Variants in TG observed in about 807,000 individuals in gnomAD.
The protein encoded by TG is thyroid hormones.
TG carries 270 observed loss-of-function variants against 324.7 expected under a neutral mutation model. The ratio of observed to expected loss-of-function variants is 0.83; its 90% CI spans 0.75 to 0.92. TG has a LOEUF of 0.92. TG is among the 40% of genes least tolerant of loss of function. The pLI is 0.00. For synonymous variants in TG, 1,401 were observed against 1,327.0 expected, an observed-to-expected ratio of 1.06 and a Z score of -1.21; for missense variants, 3,591 against 3,456.4, an observed-to-expected ratio of 1.04 and a Z score of -0.98.
At chr8:132,923,588 G>A (rs560651189) in intron 22 of TG, 80 bp downstream of exon 22, 405 of 1,483,068 alleles carry the variant, frequency 2.7e-4, no homozygotes, top group Admixed American at 4.1e-4. Context: ...AGGGAGAGAA[G>A]CTGGAGGTGC....
chr8:132,977,763 C>T (rs193031927), intron 34 of TG, among the ~76,000 whole-genome samples: 4 of 152,252 alleles, frequency 2.6e-5, no homozygotes, highest in Admixed American at 2.0e-4. Flanking sequence ...CCTCCCACAA[C>T]ACATGGGAAT....
intron 31 of TG, among the ~76,000 whole-genome samples, chr8:132,968,500 T>C (rs1042358087): frequency 2.7e-5 from 4 of 147,494 alleles, no homozygotes; most frequent in Admixed American, 6.7e-5. Context: ...TTTTTGGAGA[T>C]TTTTTTTAAC....
chr8:133,083,270 C>T (rs561295953), intron 41 of TG, among the ~76,000 whole-genome samples: 1 of 151,994 alleles, frequency 6.6e-6, no homozygotes, highest in Admixed American at 6.5e-5. Context: ...TTTTTTGAAC[C>T]TGTTACTTAA....
At chr8:133,058,954 T>C in intron 41 of TG, 1 of 479,850 alleles carries the variant, frequency 2.1e-6, no homozygotes, top group Admixed American at 2.2e-5. Context: ...CATGCTGGCT[T>C]GGGGGCATTG....
intron 30 of TG, 112 bp downstream of exon 30, chr8:132,966,809 C>T: frequency 7.8e-7 from 1 of 1,279,404 alleles, no homozygotes. Context: ...TGTCATAACT[C>T]ATGGATCACT....
At chr8:133,005,091 A>G (rs1245548238) in intron 35 of TG, among the ~76,000 whole-genome samples, 4 of 152,214 alleles carry the variant, frequency 2.6e-5, no homozygotes, top group African/African-American at 9.7e-5. Context: ...GGGGACAGTA[A>G]TGGCTTCATT....
At chr8:132,972,282 A>C (rs183187585) in intron 33 of TG, 1 of 482,038 alleles carries the variant, frequency 2.1e-6, no homozygotes, top group Non-Finnish European at 3.8e-6. Context: ...TCATCTGTAT[A>C]TAGGGCTACC....
chr8:133,029,769 A>G, intron 40 of TG, 52 bp from the exon 41 acceptor site: 1 of 1,611,740 alleles, frequency 6.2e-7, no homozygotes, highest in Non-Finnish European at 8.5e-7. Flanking sequence ...ATGATTTTCA[A>G]ATCCAAGGTT....
intron 20 of TG, 146 bp downstream of exon 20, chr8:132,913,411 A>C: frequency 1.2e-6 from 1 of 810,876 alleles, no homozygotes; most frequent in Non-Finnish European, 2.1e-6. Context: ...TCAATCATCT[A>C]CTATGCATGG....
intron 27 of TG, among the ~76,000 whole-genome samples, chr8:132,960,103 T>C (rs1275324471): frequency 6.6e-6 from 1 of 152,204 alleles, no homozygotes; most frequent in Non-Finnish European, 1.5e-5. Flanking sequence ...AAAACCTGGA[T>C]GACAGGTTGG....
chr8:132,891,409 A>G (rs1050061685), intron 10 of TG, among the ~76,000 whole-genome samples: 1 of 152,184 alleles, frequency 6.6e-6, no homozygotes, highest in Non-Finnish European at 1.5e-5. Context: ...ATCTCAGTTC[A>G]CTGCAGCCTC....
intron 45 of TG, among the ~76,000 whole-genome samples, chr8:133,130,041 A>G (rs531444204): frequency 6.6e-6 from 1 of 152,340 alleles, no homozygotes; most frequent in South Asian, 2.1e-4. Flanking sequence ...AAACTGGGTC[A>G]GAGAGATTAA....
intron 40 of TG, among the ~76,000 whole-genome samples, chr8:133,023,546 G>A (rs920692535): frequency 6.6e-6 from 1 of 152,132 alleles, no homozygotes; most frequent in East Asian, 1.9e-4. Context: ...AATTATTCAC[G>A]TGTGAGTTTA....
chr8:132,873,477 C>T lies in TG; in HGVS notation c.638+256C>T, dbSNP rs16904761. The stretch of plus-strand genomic sequence containing the variant: ...AAAACATCAGAATGTGAAGACATAT[C>T]GGCTAGGGTGCCTACTACATCATTT... On this transcript the variant is annotated intron_variant, in intron 5 of 47. Coordinates refer to ENST00000220616, the MANE Select transcript of TG (RefSeq NM_003235.5). 9.0e-3 allele frequency among the ~76,000 whole-genome samples: 1,367 copies of T among 152,268 alleles called. 39 individuals carry two copies. Among genetic ancestry groups the T allele is most frequent in the East Asian group, 0.087 (450 of 5,184 alleles).
At chr8:133,058,250 G>A (rs1215749495) in intron 41 of TG, among the ~76,000 whole-genome samples, 2 of 152,136 alleles carry the variant, frequency 1.3e-5, no homozygotes, top group Admixed American at 1.3e-4. Context: ...TCAGGGCTGG[G>A]GGTTGAAAAA....
intron 43 of TG, among the ~76,000 whole-genome samples, chr8:133,107,009 C>A (rs1849860611): frequency 6.6e-6 from 1 of 152,178 alleles, no homozygotes. Flanking sequence ...TTCTCACCTG[C>A]CTTGCTGATT....
Position 132,941,370 on chromosome 8 carries a change from A to C in TG, c.5061A>C (p.Thr1687=). ...YLKKGQGSTT[T]LQKRFEPTGF... ...CCCCAGGCCAAGGATCCACCACAAC[A>C]CTTCAGAAACGCTTTGAACCCACTG... The change falls in exon 26 of 48, where the codon ACA becomes ACC. Residue 1687 remains threonine, a synonymous_variant. Coordinates refer to ENST00000220616, the MANE Select transcript of TG (RefSeq NM_003235.5). 6.2e-7 allele frequency: 1 copy of C among 1,614,216 alleles called. No homozygotes were observed. The highest frequency in any genetic ancestry group is 8.5e-7 in the Non-Finnish European group (1 of 1,180,042).
intron 41 of TG, among the ~76,000 whole-genome samples, chr8:133,086,915 A>G (rs1289564096): frequency 6.6e-6 from 1 of 152,196 alleles, no homozygotes; most frequent in African/African-American, 2.4e-5. Flanking sequence ...CATTCTCCCT[A>G]ATAACCTAAA....
chr8:132,969,441 T>C lies in TG; in HGVS notation c.5864-17T>C, dbSNP rs764657364. 5.1e-6 allele frequency: 8 copies of C among 1,565,862 alleles called. No homozygotes were observed. Among genetic ancestry groups the C allele is most frequent in the Non-Finnish European group, 7.0e-6 (8 of 1,136,310 alleles). Reference sequence around the variant, plus strand: ...GCAAATCTCTAAGTAATGTATTTTCTTTCTTCCTCTATGAAGTTATACTGG... The same window carrying C: ...GCAAATCTCTAAGTAATGTATTTTCCTTCTTCCTCTATGAAGTTATACTGG... On this transcript the variant is annotated splice_polypyrimidine_tract_variant and intron_variant, in intron 31 of 47. Transcript: ENST00000220616.
Sources: gnomAD v4.1 joint callset for allele counts (sites outside exome capture counted in the v4.1 genomes callset) on GRCh38, gnomAD v4.1.1 for gene constraint, MANE v1.5 for transcripts, NCBI Gene and HGNC (gene_info 2026-07-23, HGNC 2026-07-21) for gene names.